Variants in ATAD3B observed in about 807,000 individuals in gnomAD.
ATAD3B encodes the protein ATPase family AAA domain containing 3B.
ATAD3B carries 59 observed loss-of-function variants against 70.2 expected under a neutral mutation model. The observed-to-expected ratio is 0.84, with a 90% CI of 0.68 to 1.04. The LOEUF (loss-of-function observed/expected upper bound fraction) is 1.04, where lower values mean the gene tolerates loss of function less well. Among genes scored for constraint, ATAD3B ranks in the 50% least tolerant of loss-of-function variants. The pLI is 0.00. For synonymous variants in ATAD3B, 423 were observed against 388.6 expected (o/e 1.09, Z -1.04); for missense variants, 961 against 913.4 (o/e 1.05, Z -0.67).
rs780422617 is a variant in ATAD3B at position 1,485,874 on chromosome 1, G to C, written c.963+36G>C. 7.4e-6 allele frequency: 12 copies of C among 1,612,478 alleles called. 1 individual carries two copies. Among genetic ancestry groups the C allele is most frequent in the Non-Finnish European group, 1.0e-5 (12 of 1,179,544 alleles). On this transcript the variant is annotated intron_variant, in intron 9 of 15. Transcript: ENST00000673477. ...GTGCCTGGGACCGGGGAGGTGCAGG[G>C]AGGGGACCCCGGAGCTGGGCTGGGC...
At chr1:1,498,382 CT>C (rs1411982091), downstream of ATAD3B, among the ~76,000 whole-genome samples, 2 of 151,826 alleles carry the variant, frequency 1.3e-5, no homozygotes, top group Non-Finnish European at 2.9e-5. Context: ...GGAGGATCGC[CT>C]GAGCATGGGA....
Position 1,495,588 on chromosome 1 carries a change from A to T in ATAD3B, c.1718A>T (p.Lys573Met), listed in dbSNP as rs189192055. ...QQYRQKMRWL[K>M]AEGPGRGVEH... Reference sequence around the variant, plus strand: ...TACCGACAGAAGATGCGCTGGCTGAAGGCGGAGGGGCCTGGGCGCGGGGTC... The same window carrying T: ...TACCGACAGAAGATGCGCTGGCTGATGGCGGAGGGGCCTGGGCGCGGGGTC... Residue 573 changes from lysine (K) to methionine (M), a missense_variant, in exon 16 of 16, where the codon AAG (lysine) becomes ATG (methionine). Lys to Met is a moderately conservative substitution (Grantham distance 95). This residue lies in a region of ATAD3B where 417 missense variants were observed against 335.0 expected (regional missense o/e 1.24). Transcript: ENST00000673477. The T allele has an allele frequency of 2.9e-4, 472 of 1,613,174 alleles. 5 individuals carry two copies. The East Asian group carries it at 9.4e-3, about 32-fold the overall frequency.
rs1221748226 is a variant in ATAD3B, at chr1:1,496,033, GGGCCTGCCAGGACTAGACAGAAGTGGGGC to G, written c.*223_*251del. The stretch of plus-strand genomic sequence containing the variant: ...TCCCACAGCAGAGCCAGGTGAGGGG[GGGCCTGCCAGGACTAGACAGAAGTGGGGC>G]GGCCTGAACCCTGCTTCCAGCCATG... On this transcript the variant is annotated 3_prime_UTR_variant, in exon 16 of 16. Transcript: ENST00000673477. The G allele has an allele frequency of 4.5e-6, 6 of 1,333,608 alleles. No homozygotes were observed. Among genetic ancestry groups the G allele is most frequent in the Admixed American group, 3.3e-5 (1 of 30,520 alleles). The allele number at this position is 1,333,608 out of a possible 1,614,324, so 82.6% of individuals were successfully genotyped here. A position where few individuals can be genotyped will look rare whatever the true frequency, so the allele number is the denominator to read the frequency against.
At chr1:1,501,242 C>T (rs1239425413), downstream of ATAD3B, among the ~76,000 whole-genome samples, 6 of 148,760 alleles carry the variant, frequency 4.0e-5, no homozygotes, top group Non-Finnish European at 7.4e-5. Flanking sequence ...CTCGCCACTA[C>T]GCCCAGCTAA....
At chr1:1,479,012 G>T (rs777832109) in intron 3 of ATAD3B, 37 bp from the exon 4 acceptor site, 2 of 967,940 alleles carry the variant, frequency 2.1e-6, no homozygotes, top group East Asian at 5.7e-5. Flanking sequence ...TGCAGCTCCC[G>T]GCTGAGATGT....
At chr1:1,499,536 A>G (rs1053574589), downstream of ATAD3B, among the ~76,000 whole-genome samples, 3 of 130,256 alleles carry the variant, frequency 2.3e-5, no homozygotes, top group Non-Finnish European at 5.0e-5. Flanking sequence ...CCAGCCATAG[A>G]TAGATATTAT....
At chr1:1,473,288 C>T (rs1285360249) in intron 1 of ATAD3B, among the ~76,000 whole-genome samples, 1 of 151,188 alleles carries the variant, frequency 6.6e-6, no homozygotes, top group Non-Finnish European at 1.5e-5. Flanking sequence ...TACAGGCGCC[C>T]GCCACCACGC....
rs146476845 is a variant in ATAD3B at position 1,495,931 on chromosome 1, C to T, written c.*114C>T. 2.3e-4 allele frequency: 329 copies of T among 1,422,124 alleles called. 5 individuals are homozygous for T. The East Asian group carries it at 7.1e-3, about 31-fold the overall frequency. 88.1% of individuals were successfully genotyped at this position (1,422,124 alleles called of 1,614,324 possible). On this transcript the variant is annotated 3_prime_UTR_variant, in exon 16 of 16. Coordinates refer to ENST00000673477, the MANE Select transcript of ATAD3B (RefSeq NM_031921.6). ...GAGGCTTTGTACCCCAGCCCCTGCC[C>T]AGGCCACTGTGAGGGTGGGTGCTGG... is the stretch of plus-strand genomic sequence containing the variant.
downstream of ATAD3B, among the ~76,000 whole-genome samples, chr1:1,499,906 T>TC: frequency 6.7e-6 from 1 of 148,440 alleles, no homozygotes; most frequent in Middle Eastern, 3.6e-3. Context: ...TTTTTTTTTT[T>TC]CTTTTTGAGA....
At position 1,485,814 on chromosome 1, in the gene ATAD3B, C is replaced by G. The variant is rs750210221; in HGVS notation, c.939C>G (p.Asp313Glu). 3 of 1,613,008 alleles carry G rather than the reference C, an allele frequency of 1.9e-6. No homozygotes were observed. The East Asian group carries it at 6.7e-5, about 36-fold the overall frequency. ...VSRRLLSRPQ[D>E]VLEGVVLSPS... is the part of the protein sequence containing the mutation. ...GGCGGCTCCTCAGTCGACCCCAGGACGTGCTGGAGGGTGTTGTGCTTAGTG... is the reference window on the plus strand; with the variant it reads ...GGCGGCTCCTCAGTCGACCCCAGGAGGTGCTGGAGGGTGTTGTGCTTAGTG... Residue 313 changes from aspartate (D) to glutamate (E), a missense_variant, in exon 9 of 16, where the codon GAC (aspartate) becomes GAG (glutamate). Around this residue, in one of 4 missense-constraint regions of ATAD3B, gnomAD observed 349 missense variants for 307.5 expected, o/e 1.14. Coordinates refer to ENST00000673477, the MANE Select transcript of ATAD3B (RefSeq NM_031921.6).
At chr1:1,486,042 G>GC in intron 9 of ATAD3B, 68 bp from the exon 10 acceptor site, 1 of 1,608,878 alleles carries the variant, frequency 6.2e-7, no homozygotes, top group Admixed American at 1.7e-5. Flanking sequence ...GGGCATTCCC[G>GC]CAGCCCCTGT....
At chr1:1,509,083 G>A in the ATAD3B span, 2 of 1,448,628 alleles carry the variant, frequency 1.4e-6, no homozygotes, top group Admixed American at 5.2e-5. Flanking sequence ...GGAAGCCTGT[G>A]TTTCACGCTC....
At chr1:1,502,004 G>A (rs181060080), downstream of ATAD3B, among the ~76,000 whole-genome samples, 8 of 151,518 alleles carry the variant, frequency 5.3e-5, no homozygotes, top group East Asian at 3.9e-4. Context: ...TCAGCCTCCC[G>A]TGTAGCTAGG....
At chr1:1,504,031 G>A in the ATAD3B span, among the ~76,000 whole-genome samples, 3 of 151,814 alleles carry the variant, frequency 2.0e-5, no homozygotes, top group Non-Finnish European at 2.9e-5. Context: ...TCTGTTGCCC[G>A]GGCTTGAGTG....
intron 7 of ATAD3B, chr1:1,483,187 C>T (rs1049141450): frequency 4.3e-5 from 16 of 370,232 alleles, no homozygotes; most frequent in East Asian, 3.0e-4. Flanking sequence ...CCTGTAATCT[C>T]GGGAGGCTGA....
At chr1:1,490,744 T>A in intron 15 of ATAD3B, 73 bp downstream of exon 15, 1 of 1,528,410 alleles carries the variant, frequency 6.5e-7, no homozygotes, top group Non-Finnish European at 8.8e-7. Flanking sequence ...GCGCCAGGCC[T>A]GTCCCAGCAC....
chr1:1,485,216 A>T, intron 8 of ATAD3B, 45 bp downstream of exon 8: 1 of 1,602,554 alleles, frequency 6.2e-7, no homozygotes, highest in Non-Finnish European at 8.5e-7. Flanking sequence ...TTCCTGGCTG[A>T]GTCCCTTCTG....
At chr1:1,483,195 T>C (rs542160003) in intron 7 of ATAD3B, 2 of 365,974 alleles carry the variant, frequency 5.5e-6, no homozygotes, top group Non-Finnish European at 1.1e-5. Context: ...CTCGGGAGGC[T>C]GAGGCAGGAG....
At chr1:1,504,177 G>T in the ATAD3B span, among the ~76,000 whole-genome samples, 3 of 151,468 alleles carry the variant, frequency 2.0e-5, no homozygotes, top group Admixed American at 6.6e-5. Context: ...TAGTAGAGAC[G>T]GGTTCACCAT....
Sources: allele counts gnomAD v4.1 joint callset (sites outside exome capture counted in the v4.1 genomes callset), GRCh38; gene constraint gnomAD v4.1.1; regional missense constraint gnomAD v4.1.1; transcripts MANE v1.5; gene names NCBI Gene and HGNC (gene_info 2026-07-23, HGNC 2026-07-21).